ATRN: variants seen among roughly 807,000 people sequenced by gnomAD.
ATRN encodes attractin-2.
In ATRN, 54 loss-of-function variants were observed where a neutral mutation model predicts 178.7. That is an observed-to-expected ratio of 0.30 (90% confidence interval 0.24 to 0.38). The LOEUF (loss-of-function observed/expected upper bound fraction) is 0.38. Ranked by LOEUF, ATRN falls within the 10% of genes least tolerant of loss-of-function variation. The pLI is 1.00. For missense variants in ATRN, 1,443 were observed against 1,815.1 expected (o/e 0.79, Z 3.73); for synonymous variants, 636 against 663.0 (o/e 0.96, Z 0.63).
intron 24 of ATRN, among the ~76,000 whole-genome samples, chr20:3,614,798 C>T (rs147843199): frequency 6.6e-5 from 10 of 152,074 alleles, no homozygotes; most frequent in Admixed American, 1.3e-4. Flanking sequence ...GTCCTCATTC[C>T]CCCCTCTTCC....
chr20:3,600,404 AATT>A lies in ATRN; in HGVS notation c.3565-538_3565-536del, dbSNP rs1292723786. 2.0e-5 allele frequency among the ~76,000 whole-genome samples: 3 copies of A among 152,296 alleles called. No individual in the cohort carries two copies. In the East Asian group the frequency reaches 5.8e-4, roughly 29 times the overall value. ...ATTTTTCAAATCATGAATATAATAA[AATT>A]ATTTTTTAAATTAAGTACATTTCAG... On this transcript the variant is annotated intron_variant, in intron 22 of 28. Coordinates refer to ENST00000262919, the MANE Select transcript of ATRN (RefSeq NM_139321.3).
intron 1 of ATRN, among the ~76,000 whole-genome samples, chr20:3,519,764 C>T (rs64510): frequency 0.27 from 40,639 of 151,956 alleles, 5,981 homozygotes; most frequent in African/African-American, 0.33. Context: ...AAAAAGGAAA[C>T]GGATGGATGT....
At chr20:3,628,496 G>A (rs984189156) in intron 25 of ATRN, among the ~76,000 whole-genome samples, 10 of 152,184 alleles carry the variant, frequency 6.6e-5, no homozygotes, top group Admixed American at 5.9e-4. Context: ...TCCATTCTGA[G>A]TAGTGTGATG....
Position 3,562,581 on chromosome 20 carries a change from A to G in ATRN, c.1631+122A>G, listed in dbSNP as rs551342825. 3.7e-5 allele frequency: 34 copies of G among 929,378 alleles called. No individual in the cohort carries two copies. The East Asian group carries it at 8.7e-4, about 24-fold the overall frequency. 57.6% of individuals were successfully genotyped at this position (929,378 alleles called of 1,614,324 possible). On this transcript the variant is annotated intron_variant, in intron 9 of 28. Coordinates refer to ENST00000262919, the MANE Select transcript of ATRN (RefSeq NM_139321.3). ...CAGATAATTCTGTTCGGCATTATAT[A>G]TAGAGAAATTGGGAAATAAACAGAG...
At chr20:3,620,498 A>C (rs2086888822) in intron 24 of ATRN, among the ~76,000 whole-genome samples, 1 of 135,532 alleles carries the variant, frequency 7.4e-6, no homozygotes, top group Non-Finnish European at 1.6e-5. Context: ...CACCCACCTC[A>C]GCCTCCCAAA....
At chr20:3,541,227 G>A (rs576085914) in intron 3 of ATRN, among the ~76,000 whole-genome samples, 2 of 151,712 alleles carry the variant, frequency 1.3e-5, no homozygotes, top group South Asian at 2.1e-4. Context: ...ACAGGCGCCC[G>A]CTACCACGCC....
intron 15 of ATRN, among the ~76,000 whole-genome samples, chr20:3,581,081 AG>A (rs2086276704): frequency 6.6e-6 from 1 of 151,938 alleles, no homozygotes; most frequent in Non-Finnish European, 1.5e-5. Context: ...GTCTCTACAA[AG>A]GAAGTTTTTT....
intron 6 of ATRN, 98 bp downstream of exon 6, chr20:3,549,436 A>G: frequency 1.9e-6 from 2 of 1,061,300 alleles, no homozygotes; most frequent in Non-Finnish European, 2.6e-6. Context: ...TCATTCTACT[A>G]CCTAAAGAAA....
intron 6 of ATRN, among the ~76,000 whole-genome samples, chr20:3,551,834 C>G (rs764374085): frequency 1.5e-4 from 23 of 152,166 alleles, no homozygotes; most frequent in Non-Finnish European, 3.4e-4. Context: ...TCACCTATAT[C>G]TGTGCCCCTT....
intron 1 of ATRN, among the ~76,000 whole-genome samples, chr20:3,492,853 A>C (rs1465403793): frequency 4.5e-4 from 53 of 116,808 alleles, no homozygotes; most frequent in African/African-American, 2.7e-3. Context: ...AGAGAGAGAG[A>C]GGCGCGCGCG....
chr20:3,538,991 A>G (rs1160919949), intron 2 of ATRN, among the ~76,000 whole-genome samples: 1 of 152,050 alleles, frequency 6.6e-6, no homozygotes, highest in East Asian at 1.9e-4. Flanking sequence ...TCATTCTCAC[A>G]TCTCCAAAGC....
At chr20:3,545,981 C>A in intron 4 of ATRN, 91 bp downstream of exon 4, 2 of 1,405,622 alleles carry the variant, frequency 1.4e-6, no homozygotes, top group Non-Finnish European at 2.0e-6. Context: ...GATTGAGAGC[C>A]AGGCATAGCG....
intron 24 of ATRN, among the ~76,000 whole-genome samples, chr20:3,617,687 G>T (rs1325314523): frequency 6.6e-6 from 1 of 152,044 alleles, no homozygotes; most frequent in East Asian, 1.9e-4. Flanking sequence ...ACAATGAAAA[G>T]AATAATACAG....
intron 1 of ATRN, among the ~76,000 whole-genome samples, chr20:3,477,917 A>C (rs2084552108): frequency 6.6e-6 from 1 of 152,194 alleles, no homozygotes; most frequent in African/African-American, 2.4e-5. Context: ...CCTCATACTG[A>C]ATCATGTATA....
chr20:3,570,382 A>G (rs1054529766), intron 11 of ATRN, among the ~76,000 whole-genome samples: 1 of 152,160 alleles, frequency 6.6e-6, no homozygotes, highest in Non-Finnish European at 1.5e-5. Context: ...CTTCCTACAA[A>G]TTAACTTGAT....
intron 1 of ATRN, among the ~76,000 whole-genome samples, chr20:3,496,694 A>G (rs1052111204): frequency 2.0e-5 from 3 of 152,132 alleles, no homozygotes; most frequent in Non-Finnish European, 2.9e-5. Flanking sequence ...GCTGAGTTCA[A>G]TTCCTGTGTA....
At chr20:3,520,057 A>C (rs1201604817) in intron 1 of ATRN, among the ~76,000 whole-genome samples, 1 of 152,238 alleles carries the variant, frequency 6.6e-6, no homozygotes, top group Non-Finnish European at 1.5e-5. Flanking sequence ...GTGAACAGTG[A>C]ACTTGTTTTT....
chr20:3,562,383 G>A lies in ATRN; in HGVS notation c.1555G>A (p.Gly519Ser). ...GACCAGGGCCCTATACGTTCATGGT[G>A]GCTACAAGGCTTTCAGTGCCAATAA... Reference protein sequence around the residue: ...HRTRALYVHGGYKAFSANKYR... With the variant: ...HRTRALYVHGSYKAFSANKYR... Residue 519 changes from glycine (G) to serine (S), a missense_variant, in exon 9 of 29, where the codon GGC becomes AGC. Around this residue, in one of 4 missense-constraint regions of ATRN, gnomAD observed 862 missense variants for 972.1 expected, o/e 0.89. Transcript: ENST00000262919. 1.2e-6 allele frequency: 2 copies of A among 1,614,148 alleles called. No homozygotes were observed. Among genetic ancestry groups the A allele is most frequent in the African/African-American group, 2.7e-5 (2 of 75,024 alleles).
chr20:3,472,543 A>G (rs1340045239), intron 1 of ATRN, among the ~76,000 whole-genome samples: 1 of 152,180 alleles, frequency 6.6e-6, no homozygotes, highest in Non-Finnish European at 1.5e-5. Flanking sequence ...AATGAGAGAA[A>G]TAAACATGGT....
Sources: allele counts gnomAD v4.1 joint callset (sites outside exome capture counted in the v4.1 genomes callset), GRCh38; gene constraint gnomAD v4.1.1; regional missense constraint gnomAD v4.1.1; transcripts MANE v1.5; gene names NCBI Gene and HGNC (gene_info 2026-07-23, HGNC 2026-07-21).